The following NEK6 variants were observed in gnomAD, a reference collection of about 807,000 sequenced individuals.
NEK6 encodes NIMA related kinase 6, also known as serine/threonine-protein kinase Nek6.
NEK6 carries 27 observed loss-of-function variants against 43.5 expected under a neutral mutation model. That is an observed-to-expected ratio of 0.62 (90% CI 0.46 to 0.86). The LOEUF (loss-of-function observed/expected upper bound fraction) is 0.86, where lower values mean the gene tolerates loss of function less well. NEK6 is among the 40% of genes least tolerant of loss of function. The pLI is 0.00. For missense variants in NEK6, 318 were observed against 414.4 expected, an observed-to-expected ratio of 0.77 and a Z score of 2.02; for synonymous variants, 167 against 164.1, an observed-to-expected ratio of 1.02 and a Z score of -0.14.
chr9:124,293,941 C>G (rs1832550043), intron 1 of NEK6, among the ~76,000 whole-genome samples: 1 of 152,252 alleles, frequency 6.6e-6, no homozygotes, highest in Non-Finnish European at 1.5e-5. Flanking sequence ...GGCCTTGGTG[C>G]CCCCTGGCTG....
chr9:124,333,674 C>T (rs1004942941), intron 7 of NEK6, among the ~76,000 whole-genome samples: 13 of 152,114 alleles, frequency 8.5e-5, no homozygotes, highest in African/African-American at 3.1e-4. Flanking sequence ...AGGTTCCACC[C>T]CTGGAGATTG....
At chr9:124,312,967 C>CA (rs1180861698) in intron 3 of NEK6, among the ~76,000 whole-genome samples, 1 of 152,166 alleles carries the variant, frequency 6.6e-6, no homozygotes, top group East Asian at 1.9e-4. Flanking sequence ...TCATAACCGC[C>CA]AGGGCCCCAG....
chr9:124,296,974 G>A (rs562779797), intron 1 of NEK6, among the ~76,000 whole-genome samples: 11 of 152,348 alleles, frequency 7.2e-5, no homozygotes, highest in African/African-American at 1.9e-4. Context: ...TGTCTCCCTA[G>A]GGTCACAGCC....
chr9:124,299,739 T>G (rs1832861538), intron 1 of NEK6, among the ~76,000 whole-genome samples: 1 of 152,122 alleles, frequency 6.6e-6, no homozygotes, highest in Non-Finnish European at 1.5e-5. Flanking sequence ...CTGACAGTGC[T>G]CTGTGTGCAC....
At chr9:124,308,613 G>A (rs555729476) in intron 2 of NEK6, among the ~76,000 whole-genome samples, 5 of 148,050 alleles carry the variant, frequency 3.4e-5, no homozygotes, top group African/African-American at 1.0e-4. Flanking sequence ...CCGAGATCGC[G>A]CCACAGCGCT....
intron 1 of NEK6, among the ~76,000 whole-genome samples, chr9:124,271,543 C>G (rs1301611405): frequency 6.6e-6 from 1 of 152,248 alleles, no homozygotes; most frequent in East Asian, 1.9e-4. Flanking sequence ...TTGAGCTGAT[C>G]CTGTTTTTCA....
At position 124,338,942 on chromosome 9, in the gene NEK6, A is replaced by T. The variant is rs59329493; in HGVS notation, c.623-629A>T. Among the ~76,000 whole-genome samples the T allele has an allele frequency of 2.0e-4, 4 of 20,442 alleles. No individual in the cohort carries two copies. In the South Asian group the frequency reaches 2.1e-3, roughly 11 times the overall value. 13.4% of individuals were successfully genotyped at this position (20,442 alleles called of 152,430 possible). A position where few individuals can be genotyped will look rare whatever the true frequency, so the allele number is the denominator to read the frequency against. ...GGACATGTGGTCAGTTGCTTCCCCC[A>T]GCCGGGCCGAGGAGGCATCCCCTTC... On this transcript the variant is annotated intron_variant, in intron 7 of 9. Coordinates refer to ENST00000320246, the MANE Select transcript of NEK6 (RefSeq NM_014397.6).
intron 1 of NEK6, among the ~76,000 whole-genome samples, chr9:124,281,471 A>C (rs1220926689): frequency 7.6e-6 from 1 of 131,340 alleles, no homozygotes; most frequent in African/African-American, 2.9e-5. Flanking sequence ...GCTACTTTCC[A>C]TGTCAGCTGT....
intron 1 of NEK6, among the ~76,000 whole-genome samples, chr9:124,274,001 G>A (rs1831555637): frequency 6.6e-6 from 1 of 152,138 alleles, no homozygotes. Context: ...CATTCATCTT[G>A]CTTCCCATTA....
rs759767125 is a variant in NEK6, at chr9:124,312,685, C to T, written c.231+36C>T. The T allele has an allele frequency of 5.0e-6, 8 of 1,588,878 alleles. No homozygotes were observed. The East Asian group carries it at 9.0e-5, about 18-fold the overall frequency. Reference sequence around the variant, plus strand: ...AACCCGTGGGGTCAAACCTGCATCTCGGGAGGTGGTCTCTGCATCTGGACG... The same window carrying T: ...AACCCGTGGGGTCAAACCTGCATCTTGGGAGGTGGTCTCTGCATCTGGACG... On this transcript the variant is annotated intron_variant, in intron 3 of 9. Transcript: ENST00000320246.
intron 5 of NEK6, among the ~76,000 whole-genome samples, chr9:124,322,769 G>A (rs1026228873): frequency 3.3e-5 from 5 of 152,252 alleles, no homozygotes; most frequent in Non-Finnish European, 7.3e-5. Flanking sequence ...AAACGGGGCC[G>A]GATGTGGGTT....
intron 1 of NEK6, chr9:124,258,387 T>G (rs1830893925): frequency 1.0e-6 from 1 of 962,514 alleles, no homozygotes; most frequent in Non-Finnish European, 1.2e-6. Context: ...GACGCGGGCA[T>G]GGCTCCCCGC....
intron 4 of NEK6, among the ~76,000 whole-genome samples, 175 bp downstream of exon 4, chr9:124,314,160 A>T (rs1019872420): frequency 9.9e-5 from 15 of 152,180 alleles, no homozygotes; most frequent in Non-Finnish European, 1.5e-5. Context: ...CTGGCCAGGC[A>T]GGAGCGGCCC....
At chr9:124,292,657 C>A in intron 1 of NEK6, 1 of 1,369,910 alleles carries the variant, frequency 7.3e-7, no homozygotes, top group African/African-American at 1.4e-5. Context: ...CCATCCCTTC[C>A]CTTAAGCCCC....
Position 124,343,189 on chromosome 9 carries a change from G to C in NEK6, c.717+3524G>C, listed in dbSNP as rs1343316569. Among the ~76,000 whole-genome samples, 1 of 151,658 alleles carries C rather than the reference G, an allele frequency of 6.6e-6. No individual in the cohort carries two copies. The highest frequency in any genetic ancestry group is 1.5e-5 in the Non-Finnish European group (1 of 67,880). On this transcript the variant is annotated intron_variant, in intron 8 of 9. Transcript: ENST00000320246. The surrounding 1 kb of genome is among the most constrained non-coding windows in gnomAD (Gnocchi z 5.1). ...TGACTCATTTGTTGGAGTGAGTGGG[G>C]CTGTGCGGCTCGCAGCTGGGGGGGC...
chr9:124,348,467 G>A (rs934562856), intron 9 of NEK6, among the ~76,000 whole-genome samples: 1 of 152,190 alleles, frequency 6.6e-6, no homozygotes, highest in Admixed American at 6.5e-5. Context: ...GAGGAAGAAA[G>A]GACAGGTTTC....
intron 1 of NEK6, among the ~76,000 whole-genome samples, chr9:124,301,636 T>G (rs575990533): frequency 6.6e-6 from 1 of 152,166 alleles, no homozygotes; most frequent in Non-Finnish European, 1.5e-5. Flanking sequence ...CCAGCAAATG[T>G]GGGGTTGAAT....
intron 1 of NEK6, among the ~76,000 whole-genome samples, chr9:124,281,673 T>C (rs1461488146): frequency 1.3e-5 from 2 of 151,902 alleles, no homozygotes; most frequent in South Asian, 2.1e-4. Flanking sequence ...GCTAATTTTG[T>C]ATTTTAGTAG....
chr9:124,310,851 G>A (rs538643985), intron 2 of NEK6, among the ~76,000 whole-genome samples: 2 of 152,218 alleles, frequency 1.3e-5, no homozygotes, highest in Non-Finnish European at 2.9e-5. Flanking sequence ...CTCCCACAGT[G>A]CTGGGATTAC....
Sources: allele counts gnomAD v4.1 joint callset (sites outside exome capture counted in the v4.1 genomes callset), GRCh38; gene constraint gnomAD v4.1.1; non-coding constraint Gnocchi (gnomAD v3.1); transcripts MANE v1.5; gene names NCBI Gene and HGNC (gene_info 2026-07-23, HGNC 2026-07-21).